The following FYN variants were observed in gnomAD, a reference collection of about 807,000 sequenced individuals.
FYN encodes FYN proto-oncogene, Src family tyrosine kinase, also known as tyrosine-protein kinase Fyn.
FYN carries 10 observed loss-of-function variants against 70.2 expected under a neutral mutation model. That is an observed-to-expected ratio of 0.14 (90% confidence interval 0.09 to 0.24). The LOEUF (loss-of-function observed/expected upper bound fraction) is 0.24, where lower values mean the gene tolerates loss of function less well. FYN is among the 10% of genes least tolerant of loss of function. The pLI is 1.00. For synonymous variants in FYN, 236 were observed against 248.6 expected, an observed-to-expected ratio of 0.95 and a Z score of 0.48; for missense variants, 319 against 673.1, an observed-to-expected ratio of 0.47 and a Z score of 5.82.
intron 3 of FYN, among the ~76,000 whole-genome samples, chr6:111,737,862 A>G (rs1335697093): frequency 1.3e-5 from 2 of 152,206 alleles, no homozygotes; most frequent in Non-Finnish European, 2.9e-5. Flanking sequence ...GTGACCAAAT[A>G]TACACTTCAC....
intron 12 of FYN, among the ~76,000 whole-genome samples, chr6:111,677,004 CA>C (rs1167746928): frequency 2.0e-5 from 3 of 152,080 alleles, no homozygotes; most frequent in Non-Finnish European, 4.4e-5. Context: ...TATAAACCTT[CA>C]AAAAATGTTA....
chr6:111,796,268 G>C (rs573737639), intron 2 of FYN, among the ~76,000 whole-genome samples: 1 of 152,300 alleles, frequency 6.6e-6, no homozygotes, highest in South Asian at 2.1e-4. Flanking sequence ...TTCAGTCAGT[G>C]ACAGACCACA....
intron 2 of FYN, among the ~76,000 whole-genome samples, chr6:111,821,795 A>T (rs1019906074): frequency 1.3e-5 from 2 of 151,430 alleles, no homozygotes; most frequent in Non-Finnish European, 3.0e-5. Context: ...CAAGAAAAAA[A>T]AACCCCATCA....
At chr6:111,820,139 G>C (rs1772612480) in intron 2 of FYN, 1 of 152,110 alleles carries the variant, frequency 6.6e-6, no homozygotes. Context: ...TACTGAATGG[G>C]AACCCTTAGC....
chr6:111,845,501 G>C (rs1290051158), intron 2 of FYN, among the ~76,000 whole-genome samples: 1 of 152,144 alleles, frequency 6.6e-6, no homozygotes, highest in Admixed American at 6.5e-5. Context: ...GCCTGCATGG[G>C]GTCAAAGGTC....
intron 3 of FYN, among the ~76,000 whole-genome samples, chr6:111,728,395 T>A (rs1043425600): frequency 6.6e-6 from 1 of 152,188 alleles, no homozygotes; most frequent in African/African-American, 2.4e-5. Context: ...AAGCACACAG[T>A]CCAATGGTTT....
At chr6:111,838,171 C>T (rs1052765076) in intron 2 of FYN, among the ~76,000 whole-genome samples, 3 of 152,080 alleles carry the variant, frequency 2.0e-5, no homozygotes. Flanking sequence ...CCAGTCCCTC[C>T]TTTAAAAAAA....
In FYN at chr6:111,661,883, G is replaced by A; in HGVS notation, c.1470C>T (p.Asp490=). Residue 490 remains aspartate (D), a synonymous_variant, in exon 14 of 14, where the codon GAC becomes GAT. Transcript: ENST00000354650. This position sits in a 1 kb window ranked among gnomAD's most constrained non-coding sequence, Gnocchi z 4.0. ...ERGYRMPCPQ[D]CPISLHELMI... Reference sequence around the variant, plus strand: ...TGAGCTCATGCAGAGAGATGGGGCAGTCCTGCGGGCAGGGCATCCTGTAGC... The same window carrying A: ...TGAGCTCATGCAGAGAGATGGGGCAATCCTGCGGGCAGGGCATCCTGTAGC... 6.2e-7 allele frequency: 1 copy of A among 1,614,150 alleles called. No homozygotes were observed. Among genetic ancestry groups the A allele is most frequent in the Non-Finnish European group, 8.5e-7 (1 of 1,179,998 alleles).
intron 7 of FYN, among the ~76,000 whole-genome samples, chr6:111,703,704 A>G (rs1799944528): frequency 6.6e-6 from 1 of 152,344 alleles, no homozygotes; most frequent in Non-Finnish European, 1.5e-5. Context: ...AAGATTTCAG[A>G]AAATCAAAAT....
In FYN at chr6:111,832,526, C is replaced by T. The variant is rs374603763; in HGVS notation, c.-82+14063G>A. ...TTCTTCCTATCCAATCTTCACATTC[C>T]GCATGTGATTTGGTATACTGCTTTT... On this transcript the variant is annotated intron_variant, in intron 2 of 13. Coordinates refer to ENST00000354650, the MANE Select transcript of FYN (RefSeq NM_002037.5). Among the ~76,000 whole-genome samples the T allele has an allele frequency of 3.5e-4, 53 of 152,238 alleles. 1 individual carries two copies. In the Middle Eastern group the frequency reaches 0.01, roughly 29 times the overall value.
intron 1 of FYN, among the ~76,000 whole-genome samples, chr6:111,869,200 C>A (rs1774199985): frequency 6.6e-6 from 1 of 152,224 alleles, no homozygotes; most frequent in Non-Finnish European, 1.5e-5. Context: ...GCTCACTTAA[C>A]CTCCGTGGAA....
chr6:111,709,259 TAG>T (rs891008237), intron 5 of FYN, among the ~76,000 whole-genome samples: 14 of 152,260 alleles, frequency 9.2e-5, no homozygotes, highest in Non-Finnish European at 1.6e-4. Flanking sequence ...AAAAATGTGT[TAG>T]CTTCTGGCCA....
chr6:111,765,400 C>T (rs1803191323), intron 3 of FYN, among the ~76,000 whole-genome samples: 1 of 152,008 alleles, frequency 6.6e-6, no homozygotes, highest in African/African-American at 2.4e-5. Context: ...GAGAAAAAGG[C>T]CATGTGGGGA....
At chr6:111,715,439 G>A (rs910703140) in intron 4 of FYN, among the ~76,000 whole-genome samples, 3 of 152,058 alleles carry the variant, frequency 2.0e-5, no homozygotes, top group South Asian at 2.1e-4. Context: ...ATTCAGTCTC[G>A]TGCAAGCCCC....
intron 2 of FYN, among the ~76,000 whole-genome samples, chr6:111,829,381 A>G (rs1210552907): frequency 6.6e-6 from 1 of 152,236 alleles, no homozygotes; most frequent in Non-Finnish European, 1.5e-5. Context: ...ATCTAATTAG[A>G]AACATTTGTA....
In FYN at chr6:111,703,980, C is replaced by A. The variant is rs1351759840; in HGVS notation, c.547+19G>T. On this transcript the variant is annotated intron_variant, in intron 7 of 13. Transcript: ENST00000354650. ...ACAGATTTGAATGACAAGCCAACTT[C>A]TTCAACTCGTTATCTTACCTTTGGT... The A allele has an allele frequency of 6.3e-7, 1 of 1,591,078 alleles. No individual in the cohort carries two copies. Among genetic ancestry groups the A allele is most frequent in the African/African-American group, 1.3e-5 (1 of 74,440 alleles).
chr6:111,789,692 A>G (rs1771539501), intron 2 of FYN, among the ~76,000 whole-genome samples: 1 of 152,238 alleles, frequency 6.6e-6, no homozygotes, highest in African/African-American at 2.4e-5. Context: ...TGTATCAGGA[A>G]AAAAAGAAAA....
chr6:111,710,625 A>G (rs1012342192), intron 5 of FYN, among the ~76,000 whole-genome samples: 4 of 152,214 alleles, frequency 2.6e-5, no homozygotes, highest in African/African-American at 9.7e-5. Context: ...ACAAAGATTC[A>G]ATGTTTATTA....
At chr6:111,736,535 CA>C (rs1801719004) in intron 3 of FYN, among the ~76,000 whole-genome samples, 1 of 152,122 alleles carries the variant, frequency 6.6e-6, no homozygotes, top group Non-Finnish European at 1.5e-5. Context: ...AATGATGGCC[CA>C]AGGGTGGCTT....
Sources: gnomAD v4.1 joint callset for allele counts (sites outside exome capture counted in the v4.1 genomes callset) on GRCh38, gnomAD v4.1.1 for gene constraint, Gnocchi (gnomAD v3.1) non-coding constraint, MANE v1.5 for transcripts, NCBI Gene and HGNC (gene_info 2026-07-23, HGNC 2026-07-21) for gene names.